Variants in PTK2B observed in about 807,000 individuals in gnomAD.
The protein encoded by PTK2B is protein-tyrosine kinase 2-beta.
In PTK2B, 71 loss-of-function variants were observed where a neutral mutation model predicts 142.9. That is an observed-to-expected ratio of 0.50 (90% confidence interval 0.41 to 0.61). PTK2B has a LOEUF of 0.61. Ranked by LOEUF, PTK2B falls within the 20% of genes least tolerant of loss-of-function variation. The pLI, the probability that PTK2B is intolerant of heterozygous loss-of-function variation, is 0.00. For missense variants in PTK2B, 1,105 were observed against 1,320.4 expected, an observed-to-expected ratio of 0.84 and a Z score of 2.53; for synonymous variants, 519 against 503.4, an observed-to-expected ratio of 1.03 and a Z score of -0.42.
chr8:27,328,684 A>G (rs1253503216), intron 1 of PTK2B, among the ~76,000 whole-genome samples: 1 of 152,204 alleles, frequency 6.6e-6, no homozygotes, highest in East Asian at 1.9e-4. Flanking sequence ...AATATTTGCA[A>G]GATCAAGGTT....
chr8:27,401,116 GT>G (rs1335302646), intron 2 of PTK2B, among the ~76,000 whole-genome samples: 1 of 148,144 alleles, frequency 6.8e-6, no homozygotes, highest in Non-Finnish European at 1.5e-5. Flanking sequence ...TCCAGCCCAG[GT>G]GACAGTGTGA....
intron 1 of PTK2B, chr8:27,380,744 G>T (rs1448251980): frequency 1.3e-5 from 2 of 152,200 alleles, no homozygotes; most frequent in Non-Finnish European, 2.9e-5. Flanking sequence ...GAGGCCTGCA[G>T]CCTGGGAACT....
intron 1 of PTK2B, among the ~76,000 whole-genome samples, chr8:27,386,034 T>C (rs1314205026): frequency 6.6e-6 from 1 of 152,196 alleles, no homozygotes; most frequent in East Asian, 1.9e-4. Flanking sequence ...TTATAACTGA[T>C]GTAACTTAAG....
chr8:27,325,581 G>C lies in PTK2B; in HGVS notation c.-138G>C, dbSNP rs549255958. 166 of 152,504 alleles carry C rather than the reference G, an allele frequency of 1.1e-3. 1 individual carries two copies. The highest frequency in any genetic ancestry group is 3.5e-3 in the South Asian group (17 of 4,836). The allele number at this position is 152,504 out of a possible 1,614,324, so 9.4% of individuals were successfully genotyped here. ...TTACTCAGCCACAGCCTCCGGAGCC[G>C]TTGCACACCTACCTGCCCGGCCGAC... On this transcript the variant is annotated 5_prime_UTR_variant, in exon 1 of 31. Coordinates refer to ENST00000346049, the MANE Select transcript of PTK2B (RefSeq NM_173176.3).
At chr8:27,450,026 C>T (rs1360608886) in intron 24 of PTK2B, among the ~76,000 whole-genome samples, 4 of 152,182 alleles carry the variant, frequency 2.6e-5, no homozygotes, top group Admixed American at 2.6e-4. Context: ...CTCTATAGAG[C>T]TGTATTTCAT....
intron 2 of PTK2B, among the ~76,000 whole-genome samples, chr8:27,404,761 A>G (rs1045335211): frequency 6.6e-6 from 1 of 152,132 alleles, no homozygotes; most frequent in Non-Finnish European, 1.5e-5. Context: ...CACTCATCCC[A>G]GTTAGCTTTG....
chr8:27,385,112 A>G (rs1187205827), intron 1 of PTK2B, among the ~76,000 whole-genome samples: 1 of 152,150 alleles, frequency 6.6e-6, no homozygotes, highest in Non-Finnish European at 1.5e-5. Context: ...TCATCCTCGG[A>G]GACCTCATCC....
chr8:27,338,024 CTTG>C (rs1412525479), intron 1 of PTK2B, among the ~76,000 whole-genome samples: 3 of 152,292 alleles, frequency 2.0e-5, no homozygotes, highest in East Asian at 1.9e-4. Context: ...CTCGCCAACA[CTTG>C]TTGTTGTCTG....
At chr8:27,342,788 A>G (rs1214090190) in intron 1 of PTK2B, among the ~76,000 whole-genome samples, 1 of 152,120 alleles carries the variant, frequency 6.6e-6, no homozygotes, top group Non-Finnish European at 1.5e-5. Flanking sequence ...CACTTACACT[A>G]TAGTCCTGAG....
intron 1 of PTK2B, among the ~76,000 whole-genome samples, chr8:27,347,115 G>T (rs1213753460): frequency 6.6e-6 from 1 of 151,972 alleles, no homozygotes; most frequent in Non-Finnish European, 1.5e-5. Context: ...TATGGCTTAT[G>T]CCTGTAATCC....
At chr8:27,431,868 C>T (rs1259301645) in intron 9 of PTK2B, among the ~76,000 whole-genome samples, 1 of 152,208 alleles carries the variant, frequency 6.6e-6, no homozygotes, top group Admixed American at 6.5e-5. Context: ...TTCTCTAGAC[C>T]TCATTTTCTC....
intron 1 of PTK2B, among the ~76,000 whole-genome samples, chr8:27,345,312 T>C (rs919908722): frequency 6.6e-6 from 1 of 152,266 alleles, no homozygotes; most frequent in Non-Finnish European, 1.5e-5. Flanking sequence ...CTAACTGCAA[T>C]GATTTAGTGA....
At position 27,439,025 on chromosome 8, in the gene PTK2B, T is replaced by C. The variant is rs1425236051; in HGVS notation, c.1644-6T>C. On this transcript the variant is annotated splice_region_variant and splice_polypyrimidine_tract_variant and intron_variant, in intron 18 of 30. Transcript: ENST00000346049. ...CCTCATCCTGGTCTTGATGCCCTTC[T>C]TCCAGGGACATTGCTGTCCGGAACA... 2 of 1,612,458 alleles carry C rather than the reference T, an allele frequency of 1.2e-6. No homozygotes were observed. The highest frequency in any genetic ancestry group is 2.2e-5 in the East Asian group (1 of 44,872).
chr8:27,444,247 C>T lies in PTK2B; in HGVS notation c.2190C>T (p.Leu730=), dbSNP rs559212328. The change falls in exon 23 of 31, where the codon CTC becomes CTT. Residue 730 remains leucine, a synonymous_variant. Transcript: ENST00000346049. ...PKYRPPPQTN[L]LAPKLQFQVP... is the part of the protein sequence containing the mutation. ...ACAGACCCCCTCCGCAAACCAACCT[C>T]CTGGCTCCAAAGCTGCAGTTCCAGG... 6.2e-7 allele frequency: 1 copy of T among 1,613,894 alleles called. No homozygotes were observed. Among genetic ancestry groups the T allele is most frequent in the South Asian group, 1.1e-5 (1 of 91,062 alleles).
At chr8:27,438,125 A>G (rs1349722689) in intron 18 of PTK2B, 1 of 452,570 alleles carries the variant, frequency 2.2e-6, no homozygotes, top group Non-Finnish European at 4.1e-6. Flanking sequence ...GTCTGTCTAT[A>G]TATCAAGACC....
intron 3 of PTK2B, among the ~76,000 whole-genome samples, chr8:27,314,994 A>G (rs146148198): frequency 2.0e-5 from 3 of 152,328 alleles, no homozygotes; most frequent in African/African-American, 7.2e-5. Context: ...AGTGATTTGC[A>G]GTGAAACTTC....
intron 1 of PTK2B, among the ~76,000 whole-genome samples, chr8:27,334,156 C>T (rs1330604194): frequency 2.0e-5 from 3 of 152,102 alleles, no homozygotes; most frequent in African/African-American, 7.2e-5. Context: ...TTCTATGGCC[C>T]CTACTCTGAC....
chr8:27,363,927 C>T lies in PTK2B; in HGVS notation c.-37-33621C>T, dbSNP rs1032829831. Among the ~76,000 whole-genome samples, 1 of 152,164 alleles carries T rather than the reference C, an allele frequency of 6.6e-6. No individual in the cohort carries two copies. The highest frequency in any genetic ancestry group is 1.5e-5 in the Non-Finnish European group (1 of 68,018). ...AGGGCGCTGCAGGGCTAAGATTAGA[C>T]TAGGGCCCGGCCGCCTGTCTTGACA... On this transcript the variant is annotated intron_variant, in intron 1 of 30. Transcript: ENST00000346049. This position sits in a 1 kb window ranked among gnomAD's most constrained non-coding sequence, Gnocchi z 4.3.
intron 2 of PTK2B, among the ~76,000 whole-genome samples, chr8:27,414,786 TC>T (rs887897935): frequency 1.3e-5 from 2 of 151,996 alleles, no homozygotes; most frequent in African/African-American, 4.8e-5. Flanking sequence ...CTTTGCTCAC[TC>T]CCCCCTTTGG....
Sources: allele counts gnomAD v4.1 joint callset (sites outside exome capture counted in the v4.1 genomes callset), GRCh38; gene constraint gnomAD v4.1.1; non-coding constraint Gnocchi (gnomAD v3.1); transcripts MANE v1.5; gene names NCBI Gene and HGNC (gene_info 2026-07-23, HGNC 2026-07-21).